The following SLC6A20 variants were observed in gnomAD, a reference collection of about 807,000 sequenced individuals.
The protein encoded by SLC6A20 is sodium- and chloride-dependent transporter XTRP3.
In SLC6A20, 73 loss-of-function variants were observed where a neutral mutation model predicts 64.3. The ratio of observed to expected loss-of-function variants is 1.14; its 90% CI spans 0.94 to 1.38. SLC6A20 has a LOEUF of 1.38. Among genes scored for constraint, SLC6A20 ranks in the 40% most tolerant of loss-of-function variants. The probability of loss-of-function intolerance (pLI) is 0.00; values close to 1 mark genes in which losing one functional copy is unlikely to be tolerated. For synonymous variants in SLC6A20, 347 were observed against 329.6 expected (o/e 1.05, Z -0.57); for missense variants, 725 against 772.8 (o/e 0.94, Z 0.73).
chr3:45,780,192 G>T lies in SLC6A20; in HGVS notation c.263-92C>A. 17 of 1,288,780 alleles carry T rather than the reference G, an allele frequency of 1.3e-5. No homozygotes were observed. In the South Asian group the frequency reaches 1.9e-4, roughly 14 times the overall value. The allele number at this position is 1,288,780 out of a possible 1,614,324, so 79.8% of individuals were successfully genotyped here. On this transcript the variant is annotated intron_variant, in intron 2 of 10. Coordinates refer to ENST00000358525, the MANE Select transcript of SLC6A20 (RefSeq NM_020208.4). ...TGTGCTCCCAGGACACACCTGTGGCGACCGCCCCGGGGTGGGCGAGGCCTC... is the reference window on the plus strand; with the variant it reads ...TGTGCTCCCAGGACACACCTGTGGCTACCGCCCCGGGGTGGGCGAGGCCTC...
chr3:45,773,733 A>G (rs988595718), intron 4 of SLC6A20, among the ~76,000 whole-genome samples: 1 of 152,098 alleles, frequency 6.6e-6, no homozygotes, highest in Non-Finnish European at 1.5e-5. Context: ...TCATCTTCTC[A>G]TCCATTTCCA....
chr3:45,787,840 ATGTT>A (rs750947023), intron 1 of SLC6A20, among the ~76,000 whole-genome samples: 2 of 152,182 alleles, frequency 1.3e-5, no homozygotes, highest in Non-Finnish European at 2.9e-5. Context: ...TGCTCAGTAA[ATGTT>A]TGTTGAGTAA....
In SLC6A20 at chr3:45,763,088, C is replaced by T. The variant is rs1348168541; in HGVS notation, c.1304-16G>A. ...CACACCAGACCTGGGGGCCACAAGA[C>T]CAGCTGCTCACCTGCCCGAGACCCC... On this transcript the variant is annotated splice_polypyrimidine_tract_variant and intron_variant, in intron 8 of 10. Transcript: ENST00000358525. 5 of 1,613,332 alleles carry T rather than the reference C, an allele frequency of 3.1e-6. No homozygotes were observed. The African/African-American group carries it at 6.7e-5, about 22-fold the overall frequency.
intron 1 of SLC6A20, among the ~76,000 whole-genome samples, chr3:45,785,073 T>C (rs1240965568): frequency 6.6e-6 from 1 of 152,210 alleles, no homozygotes; most frequent in Non-Finnish European, 1.5e-5. Flanking sequence ...TTTCAACACA[T>C]GAGCTTTGGA....
intron 8 of SLC6A20, among the ~76,000 whole-genome samples, chr3:45,764,232 C>G (rs1699732016): frequency 6.6e-6 from 1 of 152,190 alleles, no homozygotes; most frequent in African/African-American, 2.4e-5. Flanking sequence ...AAATGTCCAT[C>G]AACAGCAGAA....
chr3:45,779,883 C>G, intron 3 of SLC6A20, 126 bp downstream of exon 3: 1 of 1,013,962 alleles, frequency 9.9e-7, no homozygotes, highest in East Asian at 2.6e-5. Context: ...CACCTCACAC[C>G]ACCCACCGGC....
rs141312000 is a variant in SLC6A20, at chr3:45,782,137, G to T, written c.208C>A (p.Arg70=). Residue 70 remains arginine (R), a synonymous_variant, in exon 2 of 11, where the codon CGG becomes AGG. Coordinates refer to ENST00000358525, the MANE Select transcript of SLC6A20 (RefSeq NM_020208.4). ...YLELAVGQRM[R]QGSIGAWRTI... ...CTCCAGGCGCCGATGCTGCCCTGCCGCATGCGCTGCCCCACAGCCAGTTCC... is the reference window on the plus strand; with the variant it reads ...CTCCAGGCGCCGATGCTGCCCTGCCTCATGCGCTGCCCCACAGCCAGTTCC... 1 of 1,613,500 alleles carries T rather than the reference G, an allele frequency of 6.2e-7. No homozygotes were observed. The highest frequency in any genetic ancestry group is 2.2e-5 in the East Asian group (1 of 44,814).
At position 45,763,037 on chromosome 3, in the gene SLC6A20, C is replaced by G; in HGVS notation, c.1339G>C (p.Val447Leu). ...VCLVNCAIGM[V>L]FTMEAGNYWF... is the part of the protein sequence containing the mutation. ...TAGTTCCCAGCCTCCATCGTGAACA[C>G]CATGCCAATGGCACAGTTGACAAGG... Residue 447 changes from valine to leucine, a missense_variant, in exon 9 of 11, where the codon GTG becomes CTG. Physicochemically the swap from Val to Leu is conservative, Grantham distance 32. Transcript: ENST00000358525. 1.9e-6 allele frequency: 3 copies of G among 1,614,150 alleles called. No individual in the cohort carries two copies. The highest frequency in any genetic ancestry group is 2.5e-6 in the Non-Finnish European group (3 of 1,180,042).
intron 7 of SLC6A20, among the ~76,000 whole-genome samples, chr3:45,769,601 G>C (rs1223949517): frequency 6.6e-6 from 1 of 152,116 alleles, no homozygotes; most frequent in East Asian, 1.9e-4. Flanking sequence ...ATTATGGACA[G>C]ATCTCAAAAT....
chr3:45,782,078 C>T lies in SLC6A20; in HGVS notation c.262+5G>A, dbSNP rs371828546. 5.6e-5 allele frequency: 90 copies of T among 1,599,822 alleles called. No homozygotes were observed. Among genetic ancestry groups the T allele is most frequent in the Non-Finnish European group, 6.1e-5 (71 of 1,172,416 alleles). ...GTGGGAGAGGACTGGAGGGGCCCCA[C>T]GTACCGACACCACTGAGGTACGGGC... On this transcript the variant is annotated splice_donor_5th_base_variant and intron_variant, in intron 2 of 10. Coordinates refer to ENST00000358525, the MANE Select transcript of SLC6A20 (RefSeq NM_020208.4).
intron 3 of SLC6A20, among the ~76,000 whole-genome samples, chr3:45,776,263 A>G (rs958760110): frequency 3.3e-5 from 5 of 152,130 alleles, no homozygotes; most frequent in African/African-American, 4.8e-5. Context: ...GGTGGGTCCC[A>G]GAGACTGAAT....
Position 45,758,947 on chromosome 3 carries a change from TA to T in SLC6A20, c.*30del, listed in dbSNP as rs749829011. 1.3e-6 allele frequency: 2 copies of T among 1,575,180 alleles called. No homozygotes were observed. The highest frequency in any genetic ancestry group is 1.7e-6 in the Non-Finnish European group (2 of 1,160,706). ...AGTTTCCGCCTGTAAATAGTATCTG[TA>T]AAACCGTGAGCGGCTGGGAAGCCCA... is the stretch of plus-strand genomic sequence containing the variant. On this transcript the variant is annotated 3_prime_UTR_variant, in exon 11 of 11. Coordinates refer to ENST00000358525, the MANE Select transcript of SLC6A20 (RefSeq NM_020208.4).
At chr3:45,759,652 C>T (rs1359227168) in intron 10 of SLC6A20, among the ~76,000 whole-genome samples, 2 of 152,208 alleles carry the variant, frequency 1.3e-5, no homozygotes, top group South Asian at 2.1e-4. Flanking sequence ...GCCTTCCTCT[C>T]GCCCCACTGA....
rs934436982 is a variant in SLC6A20, at chr3:45,771,784, C to T, written c.694-326G>A. 39 of 425,906 alleles carry T rather than the reference C, an allele frequency of 9.2e-5. 1 individual carries two copies. The highest frequency in any genetic ancestry group is 1.4e-4 in the Non-Finnish European group (32 of 231,604). The allele number at this position is 425,906 out of a possible 1,614,324, so 26.4% of individuals were successfully genotyped here. On this transcript the variant is annotated intron_variant, in intron 5 of 10. Transcript: ENST00000358525. Reference sequence around the variant, plus strand: ...AGAAGCAGCTATGCTCACCACTATACGCCAGTGCGGAGGTGTGCAATGGAA... The same window carrying T: ...AGAAGCAGCTATGCTCACCACTATATGCCAGTGCGGAGGTGTGCAATGGAA...
At chr3:45,772,971 G>A (rs1261160471) in intron 4 of SLC6A20, among the ~76,000 whole-genome samples, 2 of 152,068 alleles carry the variant, frequency 1.3e-5, no homozygotes, top group African/African-American at 4.8e-5. Flanking sequence ...TTTCAAAATT[G>A]CTAAAGAAAT....
chr3:45,759,745 C>T (rs1699630377), intron 10 of SLC6A20, 112 bp downstream of exon 10: 2 of 1,331,178 alleles, frequency 1.5e-6, no homozygotes, highest in Non-Finnish European at 2.0e-6. Flanking sequence ...CATGTCGTGA[C>T]AAATAACCTA....
intron 9 of SLC6A20, among the ~76,000 whole-genome samples, chr3:45,760,912 C>G (rs1191440500): frequency 6.6e-6 from 1 of 152,242 alleles, no homozygotes; most frequent in Non-Finnish European, 1.5e-5. Flanking sequence ...GGCCTCCTGC[C>G]TCCAGCCCAG....
chr3:45,758,800 G>A lies in SLC6A20; in HGVS notation c.*178C>T, dbSNP rs1168410726. On this transcript the variant is annotated 3_prime_UTR_variant, in exon 11 of 11. Coordinates refer to ENST00000358525, the MANE Select transcript of SLC6A20 (RefSeq NM_020208.4). ...GGTGACAGGGAGGAACAGCCACCAC[G>A]GGAGGGTGTGCGTTCTCCCAAGGGA... 8.1e-6 allele frequency: 11 copies of A among 1,351,470 alleles called. No individual in the cohort carries two copies. Among genetic ancestry groups the A allele is most frequent in the South Asian group, 4.4e-5 (2 of 45,712 alleles). 83.7% of individuals were successfully genotyped at this position (1,351,470 alleles called of 1,614,324 possible). A position where few individuals can be genotyped will look rare whatever the true frequency, so the allele number is the denominator to read the frequency against.
chr3:45,792,798 G>A lies in SLC6A20; in HGVS notation c.121+3501C>T, dbSNP rs544179541. On this transcript the variant is annotated intron_variant, in intron 1 of 10. Transcript: ENST00000358525. ...CCATGGTGGGAGGATTTACATCAAG[G>A]TAATCTGCAAATTCTTGGAATTGGG... Among the ~76,000 whole-genome samples the A allele has an allele frequency of 2.0e-5, 3 of 152,308 alleles. No individual in the cohort carries two copies. The East Asian group carries it at 5.8e-4, about 29-fold the overall frequency.
Sources: gnomAD v4.1 joint callset for allele counts (sites outside exome capture counted in the v4.1 genomes callset) on GRCh38, gnomAD v4.1.1 for gene constraint, MANE v1.5 for transcripts, NCBI Gene and HGNC (gene_info 2026-07-23, HGNC 2026-07-21) for gene names.